ACAN: variants seen among roughly 807,000 people sequenced by gnomAD.
ACAN encodes aggrecan, also known as aggrecan core protein.
A neutral mutation model predicts 169.1 loss-of-function variants in ACAN; 47 were observed. The observed-to-expected ratio is 0.28, with a 90% CI of 0.22 to 0.35. The LOEUF (loss-of-function observed/expected upper bound fraction) is 0.35. Ranked by LOEUF, ACAN falls within the 10% of genes least tolerant of loss-of-function variation. The probability of loss-of-function intolerance (pLI) is 1.00; values close to 1 mark genes in which losing one functional copy is unlikely to be tolerated. For synonymous variants in ACAN, 1,115 were observed against 1,112.2 expected (o/e 1.00, Z -0.05); for missense variants, 2,716 against 2,759.9 (o/e 0.98, Z 0.36).
At chr15:88,841,893 C>T (rs1896672391) in intron 5 of ACAN, 26 bp downstream of exon 5, 1 of 1,612,186 alleles carries the variant, frequency 6.2e-7, no homozygotes, top group South Asian at 1.1e-5. Flanking sequence ...CACCAGGAGG[C>T]ACCCAGCTCC....
chr15:88,859,349 C>T lies in ACAN; in HGVS notation c.6764C>T (p.Thr2255Ile). The change falls in exon 12 of 19, where the codon ACC (threonine) becomes ATC (isoleucine). Residue 2255 changes from threonine (T) to isoleucine (I), a missense_variant. Thr to Ile is a moderately conservative substitution (Grantham distance 89). Coordinates refer to ENST00000560601, the MANE Select transcript of ACAN (RefSeq NM_001369268.1). ...GAGACTCACACAGTCGAAACAGCCA[C>T]CTCCCCAACAGATGCTTCCATCCCA... Reference protein sequence around the residue: ...GEETHTVETATSPTDASIPAS... With the variant: ...GEETHTVETAISPTDASIPAS... The T allele has an allele frequency of 6.3e-7, 1 of 1,599,338 alleles. No homozygotes were observed. Among genetic ancestry groups the T allele is most frequent in the Non-Finnish European group, 8.5e-7 (1 of 1,172,914 alleles).
Position 88,860,784 on chromosome 15 carries a change from A to G in ACAN, c.6946+345A>G, listed in dbSNP as rs572676323. Among the ~76,000 whole-genome samples, 5 of 152,264 alleles carry G rather than the reference A, an allele frequency of 3.3e-5. No homozygotes were observed. The South Asian group carries it at 1.0e-3, about 32-fold the overall frequency. ...GGGTGAGTATTAAATACAGCGGGTCACACCTCTCCGCTCCTGGTGAGGAGT... is the reference window on the plus strand; with the variant it reads ...GGGTGAGTATTAAATACAGCGGGTCGCACCTCTCCGCTCCTGGTGAGGAGT... On this transcript the variant is annotated intron_variant, in intron 13 of 18. Coordinates refer to ENST00000560601, the MANE Select transcript of ACAN (RefSeq NM_001369268.1).
At chr15:88,846,908 A>G (rs534848352) in intron 7 of ACAN, among the ~76,000 whole-genome samples, 1 of 152,324 alleles carries the variant, frequency 6.6e-6, no homozygotes, top group Admixed American at 6.5e-5. Context: ...CTGTTCTAAG[A>G]TGACAGTGTT....
rs1040623351 is a variant in ACAN, at chr15:88,870,737, G to A, written c.7061-645G>A. 6.6e-6 allele frequency among the ~76,000 whole-genome samples: 1 copy of A among 152,036 alleles called. No individual in the cohort carries two copies. The highest frequency in any genetic ancestry group is 6.6e-5 in the Admixed American group (1 of 15,258). ...ATTCACCCCCAAAATAAAAAGCCAGGGCCCCTGGATCCCAGACCCCCAATG... is the reference window on the plus strand; with the variant it reads ...ATTCACCCCCAAAATAAAAAGCCAGAGCCCCTGGATCCCAGACCCCCAATG... On this transcript the variant is annotated intron_variant, in intron 14 of 18. Transcript: ENST00000560601. The surrounding 1 kb of genome is among the most constrained non-coding windows in gnomAD (Gnocchi z 6.3).
intron 13 of ACAN, among the ~76,000 whole-genome samples, chr15:88,863,044 C>T (rs902377091): frequency 5.3e-5 from 8 of 150,538 alleles, no homozygotes; most frequent in African/African-American, 1.5e-4. Flanking sequence ...TCAGTATCCT[C>T]GGGGGGCCAT....
Position 88,838,699 on chromosome 15 carries a change from C to T in ACAN, c.107C>T (p.Pro36Leu), listed in dbSNP as rs1374390440. The change falls in exon 3 of 19, where the codon CCG (proline) becomes CTG (leucine). Residue 36 changes from proline to leucine, a missense_variant. Pro to Leu is a moderately conservative substitution (Grantham distance 98, BLOSUM62 -3). Transcript: ENST00000560601. The surrounding 1 kb of genome is among the most constrained non-coding windows in gnomAD (Gnocchi z 5.1). ...TCGCTGAGTGTCAGCATCCCCCAACCGTCCCCGCTGAGGGTCCTCCTGGGG... is the reference window on the plus strand; with the variant it reads ...TCGCTGAGTGTCAGCATCCCCCAACTGTCCCCGCTGAGGGTCCTCCTGGGG... Reference protein sequence around the residue: ...DNSLSVSIPQPSPLRVLLGTS... With the variant: ...DNSLSVSIPQLSPLRVLLGTS... 10 of 1,601,322 alleles carry T rather than the reference C, an allele frequency of 6.2e-6. No individual in the cohort carries two copies. Among genetic ancestry groups the T allele is most frequent in the Middle Eastern group, 1.7e-4 (1 of 6,018 alleles).
rs1418165788 is a variant in ACAN at position 88,807,596 on chromosome 15, G to A, written c.-8+3787G>A. Among the ~76,000 whole-genome samples the A allele has an allele frequency of 6.6e-6, 1 of 152,222 alleles. No individual in the cohort carries two copies. The highest frequency in any genetic ancestry group is 1.5e-5 in the Non-Finnish European group (1 of 68,032). On this transcript the variant is annotated intron_variant, in intron 1 of 18. Transcript: ENST00000560601. This position sits in a 1 kb window ranked among gnomAD's most constrained non-coding sequence, Gnocchi z 4.0. ...CAGAACAAGGGGAGGGCTGGAGAAG[G>A]AGCGGGAGTGCAGGCGAGAGGAGGA...
chr15:88,865,005 C>G (rs1170162923), intron 13 of ACAN, among the ~76,000 whole-genome samples: 3 of 152,322 alleles, frequency 2.0e-5, no homozygotes, highest in South Asian at 4.1e-4. Context: ...AAAAGCTGGA[C>G]AAGATCTTTT....
Position 88,830,557 on chromosome 15 carries a change from T to C in ACAN, c.-7-5643T>C, listed in dbSNP as rs80245344. Reference sequence around the variant, plus strand: ...TTACTGTACCTTTTGTATGTGTAGATAGGTTTAGATACACAAATACTTGCC... The same window carrying C: ...TTACTGTACCTTTTGTATGTGTAGACAGGTTTAGATACACAAATACTTGCC... On this transcript the variant is annotated intron_variant, in intron 1 of 18. Transcript: ENST00000560601. Among the ~76,000 whole-genome samples, 4 of 151,636 alleles carry C rather than the reference T, an allele frequency of 2.6e-5. No individual in the cohort carries two copies. In the East Asian group the frequency reaches 6.0e-4, roughly 23 times the overall value.
rs1399128639 is a variant in ACAN, at chr15:88,870,790, C to T, written c.7061-592C>T. ...CTATCTGACCCCTGCAAGAGGCAGG[C>T]ACAGTGTGCTTAACTAAAGCCAACT... On this transcript the variant is annotated intron_variant, in intron 14 of 18. Transcript: ENST00000560601. This position sits in a 1 kb window ranked among gnomAD's most constrained non-coding sequence, Gnocchi z 6.3. Among the ~76,000 whole-genome samples the T allele has an allele frequency of 6.6e-6, 1 of 152,178 alleles. No homozygotes were observed. The highest frequency in any genetic ancestry group is 1.5e-5 in the Non-Finnish European group (1 of 68,034).
At chr15:88,828,219 G>C (rs1401507337) in intron 1 of ACAN, among the ~76,000 whole-genome samples, 1 of 152,080 alleles carries the variant, frequency 6.6e-6, no homozygotes, top group Non-Finnish European at 1.5e-5. Context: ...GTTTTTTGAA[G>C]GAATGGAACT....
intron 1 of ACAN, among the ~76,000 whole-genome samples, chr15:88,806,436 C>T (rs543860095): frequency 1.3e-5 from 2 of 152,056 alleles, no homozygotes; most frequent in East Asian, 1.9e-4. Context: ...ACTGCAACCT[C>T]CGCCTCCCAG....
At chr15:88,837,537 CCG>C (rs1206811901) in intron 2 of ACAN, among the ~76,000 whole-genome samples, 2 of 152,168 alleles carry the variant, frequency 1.3e-5, no homozygotes, top group Admixed American at 1.3e-4. Flanking sequence ...CAGGGGTGGT[CCG>C]CCCACACAGG....
intron 10 of ACAN, chr15:88,850,899 A>G (rs989291197): frequency 2.0e-5 from 3 of 150,912 alleles, no homozygotes; most frequent in African/African-American, 7.4e-5. Context: ...AGCCGAGATT[A>G]TTCTGCTCTA....
In ACAN at chr15:88,814,969, G is replaced by A. The variant is rs776585260; in HGVS notation, c.-8+11160G>A. Among the ~76,000 whole-genome samples, 38 of 150,998 alleles carry A rather than the reference G, an allele frequency of 2.5e-4. No individual in the cohort carries two copies. The highest frequency in any genetic ancestry group is 5.0e-4 in the Non-Finnish European group (34 of 67,954). On this transcript the variant is annotated intron_variant, in intron 1 of 18. Transcript: ENST00000560601. This position sits in a 1 kb window ranked among gnomAD's most constrained non-coding sequence, Gnocchi z 4.0. ...TGGTTCTCAGCCAGTTAAGGTGGCT[G>A]AACAGACTCAGTTCTACCTCCAGCT...
intron 1 of ACAN, among the ~76,000 whole-genome samples, chr15:88,833,909 G>A (rs1462694556): frequency 6.6e-6 from 1 of 152,154 alleles, no homozygotes; most frequent in Non-Finnish European, 1.5e-5. Context: ...CCAATGAAGG[G>A]TGTTCTGAGG....
rs1897363292 is a variant in ACAN at position 88,870,911 on chromosome 15, C to T, written c.7061-471C>T. 6.6e-6 allele frequency among the ~76,000 whole-genome samples: 1 copy of T among 152,202 alleles called. No individual in the cohort carries two copies. The highest frequency in any genetic ancestry group is 1.5e-5 in the Non-Finnish European group (1 of 68,044). Reference sequence around the variant, plus strand: ...CACCTGAGGTTCTGCAGGAAGGAAACTGCCAGCTCCGCTCCATGCCCCAGC... The same window carrying T: ...CACCTGAGGTTCTGCAGGAAGGAAATTGCCAGCTCCGCTCCATGCCCCAGC... On this transcript the variant is annotated intron_variant, in intron 14 of 18. Coordinates refer to ENST00000560601, the MANE Select transcript of ACAN (RefSeq NM_001369268.1). The surrounding 1 kb of genome is among the most constrained non-coding windows in gnomAD (Gnocchi z 6.3).
chr15:88,824,731 TAGCCAGACATGG>T (rs1896167514), intron 1 of ACAN, among the ~76,000 whole-genome samples: 1 of 151,824 alleles, frequency 6.6e-6, no homozygotes, highest in Admixed American at 6.6e-5. Flanking sequence ...ATACAAAAAT[TAGCCAGACATGG>T]TGGCACACAC....
At position 88,856,860 on chromosome 15, in the gene ACAN, A is replaced by C; in HGVS notation, c.4275A>C (p.Gly1425=). Reference sequence around the variant, plus strand: ...AAGTTCTAGAGACTACTGCCCCTGGAGTAGATGAGATCAGTGGGCTTCCTT... The same window carrying C: ...AAGTTCTAGAGACTACTGCCCCTGGCGTAGATGAGATCAGTGGGCTTCCTT... ...SGEVLETTAP[G]VDEISGLPSG... is the part of the protein sequence containing the mutation. Residue 1425 remains glycine (G), a synonymous_variant, in exon 12 of 19, where the codon GGA becomes GGC. Transcript: ENST00000560601. The C allele has an allele frequency of 6.4e-7, 1 of 1,568,394 alleles. No individual in the cohort carries two copies. The highest frequency in any genetic ancestry group is 1.9e-4 in the Middle Eastern group (1 of 5,160).
Sources: allele counts gnomAD v4.1 joint callset (sites outside exome capture counted in the v4.1 genomes callset), GRCh38; gene constraint gnomAD v4.1.1; non-coding constraint Gnocchi (gnomAD v3.1); transcripts MANE v1.5; gene names NCBI Gene and HGNC (gene_info 2026-07-23, HGNC 2026-07-21).